Variants in HS6ST3 observed in about 807,000 individuals in gnomAD.
HS6ST3 encodes the protein heparan-sulfate 6-O-sulfotransferase 3.
HS6ST3 carries 12 observed loss-of-function variants against 36.7 expected under a neutral mutation model. That is an observed-to-expected ratio of 0.33 (90% CI 0.21 to 0.53). The LOEUF (loss-of-function observed/expected upper bound fraction) is 0.53. Among genes scored for constraint, HS6ST3 ranks in the 20% least tolerant of loss-of-function variants. HS6ST3 has a pLI of 0.95. For missense variants in HS6ST3, 584 were observed against 640.9 expected, an observed-to-expected ratio of 0.91 and a Z score of 0.96; for synonymous variants, 240 against 257.5, an observed-to-expected ratio of 0.93 and a Z score of 0.65.
At chr13:96,604,606 GTTCT>G (rs1484385339) in intron 1 of HS6ST3, among the ~76,000 whole-genome samples, 2 of 152,088 alleles carry the variant, frequency 1.3e-5, no homozygotes, top group Non-Finnish European at 2.9e-5. Flanking sequence ...ATAATGATTA[GTTCT>G]TTAACAATAA....
chr13:96,141,410 G>A (rs1206340506), intron 1 of HS6ST3, among the ~76,000 whole-genome samples: 2 of 152,032 alleles, frequency 1.3e-5, no homozygotes, highest in Admixed American at 6.6e-5. Flanking sequence ...CTGGAGTGCA[G>A]TGGCATGATC....
chr13:96,442,249 G>T (rs1462372101), intron 1 of HS6ST3, among the ~76,000 whole-genome samples: 1 of 152,094 alleles, frequency 6.6e-6, no homozygotes, highest in Non-Finnish European at 1.5e-5. Context: ...CCTGAGCTCA[G>T]GTAATCCATC....
At chr13:96,599,522 C>T (rs1566407848) in intron 1 of HS6ST3, among the ~76,000 whole-genome samples, 1 of 150,770 alleles carries the variant, frequency 6.6e-6, no homozygotes, top group East Asian at 2.0e-4. Flanking sequence ...AGTCTTCTCT[C>T]TTTTTTTTTC....
intron 1 of HS6ST3, among the ~76,000 whole-genome samples, chr13:96,583,077 C>A (rs751526922): frequency 6.6e-6 from 1 of 151,962 alleles, no homozygotes; most frequent in Non-Finnish European, 1.5e-5. Flanking sequence ...TCTTACTTGC[C>A]CCTTTGTTTT....
intron 1 of HS6ST3, among the ~76,000 whole-genome samples, chr13:96,105,613 G>A (rs1361960671): frequency 6.6e-6 from 1 of 152,128 alleles, no homozygotes; most frequent in East Asian, 1.9e-4. Flanking sequence ...TCGCGCCACT[G>A]CACTCCAGCC....
intron 1 of HS6ST3, among the ~76,000 whole-genome samples, chr13:96,118,651 TATATATATATATATATATATATATATATA>T (rs2053905864): frequency 3.2e-4 from 1 of 3,118 alleles, no homozygotes; most frequent in African/African-American, 6.1e-4. Flanking sequence ...TAAAGATATA[TATATATATATATATATATATATATATATA>T]TATATATATT....
intron 1 of HS6ST3, among the ~76,000 whole-genome samples, chr13:96,515,075 C>T (rs994388694): frequency 6.6e-6 from 1 of 152,162 alleles, no homozygotes; most frequent in African/African-American, 2.4e-5. Context: ...TGCACCTTTG[C>T]CTGGAAAGTA....
In HS6ST3 at chr13:96,650,757, G is replaced by T. The variant is rs536926814; in HGVS notation, c.708-181733G>T. 2.6e-5 allele frequency among the ~76,000 whole-genome samples: 4 copies of T among 152,198 alleles called. No individual in the cohort carries two copies. In the South Asian group the frequency reaches 8.3e-4, roughly 32 times the overall value. The stretch of plus-strand genomic sequence containing the variant: ...ACAATGGCCACAGGTAGGCCTGAAA[G>T]TCTTGTGGTCTATATGTATTGTCCT... On this transcript the variant is annotated intron_variant, in intron 1 of 1. Coordinates refer to ENST00000376705, the MANE Select transcript of HS6ST3 (RefSeq NM_153456.4).
intron 1 of HS6ST3, among the ~76,000 whole-genome samples, chr13:96,786,263 A>G (rs1180101465): frequency 6.6e-6 from 1 of 152,120 alleles, no homozygotes; most frequent in Admixed American, 6.6e-5. Flanking sequence ...CAGACCCTCT[A>G]ACTAAAGCAG....
intron 1 of HS6ST3, among the ~76,000 whole-genome samples, chr13:96,591,620 T>C (rs2056382534): frequency 6.6e-6 from 1 of 152,154 alleles, no homozygotes; most frequent in Admixed American, 6.5e-5. Context: ...GTTTTCCAAA[T>C]ATAGGATCAT....
At chr13:96,789,645 T>C (rs1358500440) in intron 1 of HS6ST3, among the ~76,000 whole-genome samples, 1 of 151,884 alleles carries the variant, frequency 6.6e-6, no homozygotes, top group Non-Finnish European at 1.5e-5. Context: ...AATGTCTTTA[T>C]TTCACCTTTA....
intron 1 of HS6ST3, among the ~76,000 whole-genome samples, chr13:96,435,045 C>G (rs2055634874): frequency 6.6e-6 from 1 of 152,062 alleles, no homozygotes; most frequent in African/African-American, 2.4e-5. Context: ...TATCCTCAAC[C>G]CCAGTCCATC....
At chr13:96,503,754 A>T (rs1474771510) in intron 1 of HS6ST3, among the ~76,000 whole-genome samples, 1 of 152,228 alleles carries the variant, frequency 6.6e-6, no homozygotes, top group South Asian at 2.1e-4. Flanking sequence ...GTCTATGAAC[A>T]CACTGAATTC....
rs77022741 is a variant in HS6ST3, at chr13:96,451,503, C to T, written c.707+359934C>T. Among the ~76,000 whole-genome samples the T allele has an allele frequency of 4.8e-3, 731 of 152,142 alleles. 18 individuals are homozygous for T. The East Asian group carries it at 0.082, about 17-fold the overall frequency. ...CAGATGCTGCACTTCAGGATTTTAG[C>T]GAAATATTGAAGTTTGAATTCTCTG... On this transcript the variant is annotated intron_variant, in intron 1 of 1. Coordinates refer to ENST00000376705, the MANE Select transcript of HS6ST3 (RefSeq NM_153456.4).
chr13:96,235,428 C>A (rs1052167688), intron 1 of HS6ST3, among the ~76,000 whole-genome samples: 1 of 152,036 alleles, frequency 6.6e-6, no homozygotes, highest in Admixed American at 6.6e-5. Context: ...TTTATCAAAG[C>A]GGAATGCAGG....
intron 1 of HS6ST3, among the ~76,000 whole-genome samples, chr13:96,262,553 A>G (rs1416727632): frequency 1.3e-5 from 2 of 152,244 alleles, no homozygotes; most frequent in African/African-American, 2.4e-5. Flanking sequence ...ACAGTAAAAA[A>G]TACAAAAGTA....
intron 1 of HS6ST3, among the ~76,000 whole-genome samples, chr13:96,538,655 G>C (rs2056165494): frequency 6.6e-6 from 1 of 151,980 alleles, no homozygotes; most frequent in Admixed American, 6.6e-5. Context: ...TGTTGGCCAG[G>C]CTAGTCTTGA....
chr13:96,126,511 A>G (rs558405490), intron 1 of HS6ST3, among the ~76,000 whole-genome samples: 1 of 152,170 alleles, frequency 6.6e-6, no homozygotes, highest in African/African-American at 2.4e-5. Flanking sequence ...CAAGGGTGCA[A>G]TGGGCAGCAT....
chr13:96,641,331 T>C (rs1482104472), intron 1 of HS6ST3, among the ~76,000 whole-genome samples: 1 of 151,846 alleles, frequency 6.6e-6, no homozygotes, highest in African/African-American at 2.4e-5. Context: ...TGTATTGCTG[T>C]ATAGAAATGC....
Sources: allele counts gnomAD v4.1 joint callset (sites outside exome capture counted in the v4.1 genomes callset), GRCh38; gene constraint gnomAD v4.1.1; transcripts MANE v1.5; gene names NCBI Gene and HGNC (gene_info 2026-07-23, HGNC 2026-07-21).